Variants in ACYP2 observed in about 807,000 individuals in gnomAD.
ACYP2 encodes the protein acylphosphatase-2.
ACYP2 carries 12 observed loss-of-function variants against 11.2 expected under a neutral mutation model. The observed-to-expected ratio is 1.08, with a 90% CI of 0.69 to 1.74. The LOEUF is 1.74. Among genes scored for constraint, ACYP2 ranks in the 40% most tolerant of loss-of-function variants. ACYP2 has a pLI of 0.00. For synonymous variants in ACYP2, 43 were observed against 32.2 expected (o/e 1.33, Z -1.13); for missense variants, 134 against 101.9 (o/e 1.31, Z -1.35).
intron 6 of ACYP2, among the ~76,000 whole-genome samples, chr2:54,180,877 A>T (rs1243824359): frequency 2.0e-5 from 3 of 152,136 alleles, no homozygotes; most frequent in Non-Finnish European, 4.4e-5. Context: ...TGTTAATATC[A>T]CAGACATTCA....
chr2:54,294,601 G>A (rs74863631), intron 6 of ACYP2, among the ~76,000 whole-genome samples: 8,220 of 152,166 alleles, frequency 0.054, 337 homozygotes, highest in East Asian at 0.14. Flanking sequence ...TATGTTGGAA[G>A]AAAGGTTTCT....
At chr2:54,104,543 A>G (rs1425383844) in intron 4 of ACYP2, among the ~76,000 whole-genome samples, 3 of 152,334 alleles carry the variant, frequency 2.0e-5, no homozygotes, top group South Asian at 2.1e-4. Flanking sequence ...CCAAACTGCT[A>G]GATACAGAAC....
Position 54,271,787 on chromosome 2 carries a change from T to C in ACYP2, c.405-32901T>C, listed in dbSNP as rs535189109. Among the ~76,000 whole-genome samples, 49 of 152,250 alleles carry C rather than the reference T, an allele frequency of 3.2e-4. 1 individual carries two copies. Among genetic ancestry groups the C allele is most frequent in the Admixed American group, 2.9e-3 (45 of 15,284 alleles). On this transcript the variant is annotated intron_variant, in intron 6 of 6. Coordinates refer to ENST00000607452, the MANE Select transcript of ACYP2 (RefSeq NM_001320586.2). ...ATTTCTTCTCTTTTTGTTAAACTAG[T>C]GGTTACCACAATAAAGAAATCCCCT...
At chr2:54,082,073 AGCT>A (rs1677686097) in intron 4 of ACYP2, among the ~76,000 whole-genome samples, 1 of 152,188 alleles carries the variant, frequency 6.6e-6, no homozygotes, top group Admixed American at 6.5e-5. Context: ...CCCAGCCTGG[AGCT>A]GCTCTCCCTG....
chr2:54,030,481 C>T (rs1674524754), intron 2 of ACYP2: 1 of 156,212 alleles, frequency 6.4e-6, no homozygotes, highest in African/African-American at 2.4e-5. Context: ...TAAGGCAGTG[C>T]TATGGAAACC....
chr2:54,187,398 G>A (rs1684058924), intron 6 of ACYP2, among the ~76,000 whole-genome samples: 1 of 152,166 alleles, frequency 6.6e-6, no homozygotes. Context: ...GGAGTGGCAG[G>A]GTAGTGTTGC....
intron 6 of ACYP2, among the ~76,000 whole-genome samples, chr2:54,294,624 T>TTC (rs1304833698): frequency 6.6e-6 from 1 of 152,096 alleles, no homozygotes. Flanking sequence ...TCTTCACAAA[T>TTC]CTTGAGGCTG....
At chr2:54,046,084 T>G (rs536662815) in intron 2 of ACYP2, among the ~76,000 whole-genome samples, 2 of 149,726 alleles carry the variant, frequency 1.3e-5, no homozygotes, top group Admixed American at 1.3e-4. Context: ...GTAGGAGGAT[T>G]GCTTGAGCCC....
intron 4 of ACYP2, among the ~76,000 whole-genome samples, chr2:54,096,170 G>C (rs892475169): frequency 6.8e-6 from 1 of 146,856 alleles, no homozygotes; most frequent in African/African-American, 2.5e-5. Flanking sequence ...GCGGCTGCCG[G>C]GTGGAGGGGC....
intron 4 of ACYP2, among the ~76,000 whole-genome samples, chr2:54,078,006 G>A (rs1275665020): frequency 6.9e-6 from 1 of 145,450 alleles, no homozygotes; most frequent in Non-Finnish European, 1.5e-5. Context: ...GTCTCGCTCT[G>A]TCACCCAGGC....
At chr2:53,978,864 A>T (rs929524546) in intron 2 of ACYP2, among the ~76,000 whole-genome samples, 1 of 152,216 alleles carries the variant, frequency 6.6e-6, no homozygotes, top group African/African-American at 2.4e-5. Flanking sequence ...CAGAGGTTGC[A>T]CTGAGCTGAG....
chr2:54,039,191 A>G (rs1376752856), intron 2 of ACYP2, among the ~76,000 whole-genome samples: 1 of 151,210 alleles, frequency 6.6e-6, no homozygotes, highest in Non-Finnish European at 1.5e-5. Flanking sequence ...TTTCAAGTTG[A>G]ACTTTTACTA....
At chr2:54,278,514 G>A (rs1326101228) in intron 6 of ACYP2, among the ~76,000 whole-genome samples, 1 of 152,136 alleles carries the variant, frequency 6.6e-6, no homozygotes, top group Admixed American at 6.5e-5. Flanking sequence ...TCATTTCCTG[G>A]CTCAGCGAGT....
intron 4 of ACYP2, among the ~76,000 whole-genome samples, chr2:54,110,200 G>C (rs1014078433): frequency 6.6e-6 from 1 of 152,134 alleles, no homozygotes; most frequent in African/African-American, 2.4e-5. Flanking sequence ...CCAAGACCCA[G>C]CTTCAAAACT....
chr2:53,983,886 T>A (rs1671883978), intron 2 of ACYP2, among the ~76,000 whole-genome samples: 1 of 152,058 alleles, frequency 6.6e-6, no homozygotes, highest in Admixed American at 6.6e-5. Context: ...TACAATGTGA[T>A]AGGAACACAG....
chr2:54,256,186 C>G (rs754547518), intron 6 of ACYP2: 1 of 1,579,584 alleles, frequency 6.3e-7, no homozygotes, highest in Non-Finnish European at 8.6e-7. Context: ...GGGTAGAGGC[C>G]AGGCCAGAGG....
chr2:54,106,406 T>C lies in ACYP2; in HGVS notation c.278-29047T>C, dbSNP rs573175495. Reference sequence around the variant, plus strand: ...AGTAAGGATGAAAAGTAAATAATTCTAGGTGAAATATTTTTATACTGCAAA... The same window carrying C: ...AGTAAGGATGAAAAGTAAATAATTCCAGGTGAAATATTTTTATACTGCAAA... On this transcript the variant is annotated intron_variant, in intron 4 of 6. Coordinates refer to ENST00000607452, the MANE Select transcript of ACYP2 (RefSeq NM_001320586.2). 9.9e-5 allele frequency among the ~76,000 whole-genome samples: 15 copies of C among 152,258 alleles called. No homozygotes were observed. In the East Asian group the frequency reaches 2.7e-3, roughly 27 times the overall value.
intron 6 of ACYP2, among the ~76,000 whole-genome samples, chr2:54,192,381 T>G (rs1043118616): frequency 1.4e-4 from 22 of 152,154 alleles, no homozygotes; most frequent in African/African-American, 4.3e-4. Flanking sequence ...CAGTACTTAT[T>G]TTTAATTTTT....
At chr2:54,096,081 T>C (rs1422999860) in intron 4 of ACYP2, among the ~76,000 whole-genome samples, 9 of 117,624 alleles carry the variant, frequency 7.7e-5, no homozygotes, top group Admixed American at 5.0e-4. Context: ...CCGGACGGGG[T>C]GGCTGCGGGG....
Sources: gnomAD v4.1 joint callset for allele counts (sites outside exome capture counted in the v4.1 genomes callset) on GRCh38, gnomAD v4.1.1 for gene constraint, MANE v1.5 for transcripts, NCBI Gene and HGNC (gene_info 2026-07-23, HGNC 2026-07-21) for gene names.